The following NCAM2 variants were observed in gnomAD, a reference collection of about 807,000 sequenced individuals.
NCAM2 encodes neural cell adhesion molecule 2, also known as N-CAM-2.
A neutral mutation model predicts 98.1 loss-of-function variants in NCAM2; 30 were observed. The observed-to-expected ratio is 0.31, with a 90% CI of 0.23 to 0.41. NCAM2 has a LOEUF of 0.41. NCAM2 is among the 10% of genes least tolerant of loss of function. NCAM2 has a pLI of 1.00. For synonymous variants in NCAM2, 368 were observed against 342.4 expected (o/e 1.07, Z -0.83); for missense variants, 867 against 1,005.8 (o/e 0.86, Z 1.87).
intron 1 of NCAM2, among the ~76,000 whole-genome samples, chr21:21,265,199 T>G (rs1431983570): frequency 2.4e-5 from 3 of 124,372 alleles, no homozygotes; most frequent in African/African-American, 8.8e-5. Context: ...TATGTGTGTA[T>G]GTATGTGTGT....
intron 15 of NCAM2, among the ~76,000 whole-genome samples, chr21:21,493,058 G>T (rs1333098194): frequency 6.6e-6 from 1 of 151,882 alleles, no homozygotes; most frequent in East Asian, 1.9e-4. Context: ...ATTAAAATTT[G>T]TATGGAATTT....
At chr21:21,446,164 A>G (rs781065226) in intron 12 of NCAM2, among the ~76,000 whole-genome samples, 13 of 152,044 alleles carry the variant, frequency 8.6e-5, no homozygotes, top group East Asian at 3.9e-4. Context: ...TTGGCCCCCA[A>G]TCTCTTCTGG....
At chr21:21,107,841 A>G (rs2066380138) in intron 1 of NCAM2, among the ~76,000 whole-genome samples, 1 of 152,088 alleles carries the variant, frequency 6.6e-6, no homozygotes, top group Non-Finnish European at 1.5e-5. Flanking sequence ...CACTGCCAAT[A>G]CTTAATTTAT....
At chr21:21,131,968 T>C (rs1179155903) in intron 1 of NCAM2, among the ~76,000 whole-genome samples, 1 of 152,198 alleles carries the variant, frequency 6.6e-6, no homozygotes, top group Admixed American at 6.5e-5. Flanking sequence ...ACAAATATAT[T>C]ATTTTACACT....
At chr21:21,531,540 A>T (rs60224734) in intron 16 of NCAM2, among the ~76,000 whole-genome samples, 50,453 of 152,068 alleles carry the variant, frequency 0.33, 9,268 homozygotes, top group African/African-American at 0.47. Context: ...TTTAGGTCTG[A>T]ACACCTCCCT....
intron 15 of NCAM2, among the ~76,000 whole-genome samples, chr21:21,480,366 C>CAAAAAAAAAAAAAA (rs59203448): frequency 1.8e-3 from 129 of 69,934 alleles, no homozygotes; most frequent in African/African-American, 7.4e-3. Context: ...GACTCCATCT[C>CAAAAAAAAAAAAAA]AAAAAAAAAA....
At chr21:21,012,937 A>G (rs2064237102) in intron 1 of NCAM2, among the ~76,000 whole-genome samples, 1 of 152,180 alleles carries the variant, frequency 6.6e-6, no homozygotes, top group East Asian at 1.9e-4. Context: ...CATAATGACA[A>G]ACTTAATCAA....
chr21:21,389,064 G>A (rs2076328087), intron 9 of NCAM2, among the ~76,000 whole-genome samples: 1 of 152,146 alleles, frequency 6.6e-6, no homozygotes, highest in South Asian at 2.1e-4. Context: ...ATTTCTTTGT[G>A]TTGAGAACTG....
At chr21:21,058,069 T>C (rs897434343) in intron 1 of NCAM2, among the ~76,000 whole-genome samples, 6 of 148,126 alleles carry the variant, frequency 4.1e-5, no homozygotes, top group African/African-American at 1.5e-4. Flanking sequence ...AGATCACTAA[T>C]GCCCAGTAAC....
chr21:21,454,770 T>TG (rs951751675), intron 12 of NCAM2, among the ~76,000 whole-genome samples: 1 of 152,010 alleles, frequency 6.6e-6, no homozygotes, highest in Non-Finnish European at 1.5e-5. Context: ...AGCATCTAAA[T>TG]GCTGGCGGGC....
At chr21:21,142,614 C>T (rs372669349) in intron 1 of NCAM2, among the ~76,000 whole-genome samples, 47 of 151,998 alleles carry the variant, frequency 3.1e-4, no homozygotes, top group African/African-American at 1.0e-3. Context: ...CTCCTGACCT[C>T]GTGATCCGCC....
intron 1 of NCAM2, among the ~76,000 whole-genome samples, chr21:21,105,348 C>T (rs528233452): frequency 2.6e-5 from 4 of 152,128 alleles, no homozygotes; most frequent in Admixed American, 6.6e-5. Flanking sequence ...TTATGGAGTA[C>T]ACAGTGTTTG....
chr21:21,370,195 G>A (rs2075884233), intron 8 of NCAM2, among the ~76,000 whole-genome samples: 1 of 151,652 alleles, frequency 6.6e-6, no homozygotes, highest in South Asian at 2.1e-4. Context: ...ACCAAATTAG[G>A]TTTCCTTTCT....
At chr21:21,172,109 C>CT (rs1226322347) in intron 1 of NCAM2, among the ~76,000 whole-genome samples, 6 of 150,364 alleles carry the variant, frequency 4.0e-5, no homozygotes, top group Admixed American at 1.3e-4. Context: ...TTTTTTTTTC[C>CT]TTTTTTTTCT....
intron 1 of NCAM2, among the ~76,000 whole-genome samples, chr21:21,221,479 G>GT (rs36106670): frequency 1 from 152,338 of 152,338 alleles, 76,169 homozygotes; most frequent in Non-Finnish European, 1. Flanking sequence ...AAACTAAAAT[G>GT]TACTCCATTT....
chr21:21,218,113 A>T (rs181501148), intron 1 of NCAM2, among the ~76,000 whole-genome samples: 4 of 152,294 alleles, frequency 2.6e-5, no homozygotes, highest in Admixed American at 1.3e-4. Flanking sequence ...TAAGCTATTA[A>T]GTGTGTGGTC....
chr21:21,188,903 A>T (rs2068725746), intron 1 of NCAM2, among the ~76,000 whole-genome samples: 1 of 152,224 alleles, frequency 6.6e-6, no homozygotes, highest in South Asian at 2.1e-4. Flanking sequence ...CTTTTCTTCA[A>T]GTTCAATTTG....
chr21:21,219,758 T>G (rs1206166257), intron 1 of NCAM2, among the ~76,000 whole-genome samples: 1 of 152,204 alleles, frequency 6.6e-6, no homozygotes, highest in East Asian at 1.9e-4. Flanking sequence ...TCAGGAGGTA[T>G]TTCAGATGGC....
intron 1 of NCAM2, among the ~76,000 whole-genome samples, chr21:21,228,054 A>G (rs575898286): frequency 1.3e-5 from 2 of 151,878 alleles, no homozygotes; most frequent in Admixed American, 1.3e-4. Flanking sequence ...AACCCATGCC[A>G]CTGATAAAGG....
Sources: gnomAD v4.1 joint callset for allele counts (sites outside exome capture counted in the v4.1 genomes callset) on GRCh38, gnomAD v4.1.1 for gene constraint, MANE v1.5 for transcripts, NCBI Gene and HGNC (gene_info 2026-07-23, HGNC 2026-07-21) for gene names.